Variants in FAT3 observed in about 807,000 individuals in gnomAD.
The protein encoded by FAT3 is protocadherin Fat 3.
FAT3 carries 95 observed loss-of-function variants against 310.2 expected under a neutral mutation model. That is an observed-to-expected ratio of 0.31 (90% CI 0.26 to 0.36). The LOEUF (loss-of-function observed/expected upper bound fraction) is 0.36, where lower values mean the gene tolerates loss of function less well. Among genes scored for constraint, FAT3 ranks in the 10% least tolerant of loss-of-function variants. FAT3 has a pLI of 1.00. For synonymous variants in FAT3, 2,314 were observed against 2,192.9 expected (o/e 1.06, Z -1.54); for missense variants, 5,408 against 5,715.6 (o/e 0.95, Z 1.74).
chr11:92,855,602 A>C (rs1018715337), intron 19 of FAT3, among the ~76,000 whole-genome samples: 17 of 152,248 alleles, frequency 1.1e-4, no homozygotes, highest in African/African-American at 4.1e-4. Context: ...ATAGATCATG[A>C]GATGGTCACA....
In FAT3 at chr11:92,733,560, G is replaced by A. The variant is rs187750486; in HGVS notation, c.3670-28296G>A. Among the ~76,000 whole-genome samples, 15 of 152,168 alleles carry A rather than the reference G, an allele frequency of 9.9e-5. No individual in the cohort carries two copies. The East Asian group carries it at 2.5e-3, about 26-fold the overall frequency. ...GCAATCGAAGCATACATGCAGAGTT[G>A]GACAGCAGTCTTCTGAGAAGCATCA... On this transcript the variant is annotated intron_variant, in intron 4 of 27. Coordinates refer to ENST00000525166, the MANE Select transcript of FAT3 (RefSeq NM_001367949.2).
intron 1 of FAT3, among the ~76,000 whole-genome samples, chr11:92,302,760 G>A (rs185768512): frequency 5.7e-4 from 86 of 152,088 alleles, no homozygotes; most frequent in Non-Finnish European, 6.9e-4. Context: ...TTTAACAATT[G>A]TATGGTGTTG....
intron 2 of FAT3, among the ~76,000 whole-genome samples, chr11:92,375,316 A>G (rs924384606): frequency 8.6e-5 from 13 of 152,000 alleles, no homozygotes; most frequent in African/African-American, 2.9e-4. Flanking sequence ...TTTTATTTTT[A>G]TCTTTGTAGA....
At chr11:92,576,625 T>C (rs1484406151) in intron 3 of FAT3, among the ~76,000 whole-genome samples, 7 of 152,100 alleles carry the variant, frequency 4.6e-5, no homozygotes. Context: ...GTGGAATACC[T>C]CCTCTGACAG....
At chr11:92,772,193 T>A (rs1200892982) in intron 6 of FAT3, among the ~76,000 whole-genome samples, 2 of 152,170 alleles carry the variant, frequency 1.3e-5, no homozygotes, top group East Asian at 3.8e-4. Context: ...AAGAAAACAT[T>A]CTAAATGTGA....
chr11:92,670,752 G>A (rs1325977318), intron 3 of FAT3, among the ~76,000 whole-genome samples: 1 of 152,078 alleles, frequency 6.6e-6, no homozygotes, highest in Non-Finnish European at 1.5e-5. Context: ...TTTATAAATG[G>A]GTCACACCTG....
intron 4 of FAT3, among the ~76,000 whole-genome samples, chr11:92,705,827 T>TG: frequency 3.0e-5 from 1 of 33,554 alleles, no homozygotes; most frequent in Non-Finnish European, 5.9e-5. Context: ...GTGATGGTGG[T>TG]GGTGATGGTG....
At chr11:92,887,478 C>T (rs1176226628) in intron 25 of FAT3, among the ~76,000 whole-genome samples, 2 of 152,172 alleles carry the variant, frequency 1.3e-5, no homozygotes, top group African/African-American at 4.8e-5. Context: ...CTTCCCTCTT[C>T]ACTGTACATC....
At chr11:92,685,974 A>G (rs1406731708) in intron 3 of FAT3, among the ~76,000 whole-genome samples, 1 of 152,178 alleles carries the variant, frequency 6.6e-6, no homozygotes, top group Non-Finnish European at 1.5e-5. Flanking sequence ...TTTATATGGG[A>G]AAAATATCAT....
intron 4 of FAT3, among the ~76,000 whole-genome samples, chr11:92,736,143 G>C (rs1306128443): frequency 1.3e-5 from 2 of 152,114 alleles, no homozygotes; most frequent in African/African-American, 4.8e-5. Context: ...TGGGAGCTGA[G>C]TTACTCTTTC....
intron 25 of FAT3, among the ~76,000 whole-genome samples, 155 bp downstream of exon 25, chr11:92,887,268 G>A (rs1353765512): frequency 6.6e-6 from 1 of 152,114 alleles, no homozygotes; most frequent in African/African-American, 2.4e-5. Context: ...CTCCATTGTT[G>A]GGTGTCATTG....
At chr11:92,382,852 T>C (rs1223052744) in intron 2 of FAT3, among the ~76,000 whole-genome samples, 1 of 152,222 alleles carries the variant, frequency 6.6e-6, no homozygotes, top group African/African-American at 2.4e-5. Context: ...TATTTTAAGT[T>C]CATGGGTACA....
intron 3 of FAT3, among the ~76,000 whole-genome samples, chr11:92,527,876 C>A (rs1953925952): frequency 6.6e-6 from 1 of 152,124 alleles, no homozygotes. Context: ...GGCATACTAA[C>A]CAGTATATTT....
At chr11:92,635,997 T>G (rs1941753727) in intron 3 of FAT3, among the ~76,000 whole-genome samples, 1 of 152,164 alleles carries the variant, frequency 6.6e-6, no homozygotes, top group Admixed American at 6.5e-5. Context: ...AGGGTCTCAC[T>G]CTGTCGCCCA....
intron 2 of FAT3, among the ~76,000 whole-genome samples, chr11:92,368,188 G>A (rs1403619977): frequency 2.0e-5 from 3 of 151,790 alleles, no homozygotes; most frequent in Non-Finnish European, 4.4e-5. Context: ...TGTAATCATT[G>A]CCATAGAAAA....
intron 1 of FAT3, among the ~76,000 whole-genome samples, chr11:92,284,680 G>A (rs1447780347): frequency 1.3e-5 from 2 of 152,042 alleles, no homozygotes; most frequent in Non-Finnish European, 2.9e-5. Context: ...ACTTTGCAGA[G>A]GTTGAGTACT....
chr11:92,724,213 C>G (rs1944936475), intron 4 of FAT3, among the ~76,000 whole-genome samples: 1 of 152,112 alleles, frequency 6.6e-6, no homozygotes, highest in Admixed American at 6.6e-5. Context: ...ACTCACATGT[C>G]TGGCAGTTGG....
intron 1 of FAT3, among the ~76,000 whole-genome samples, chr11:92,232,900 T>G (rs777996251): frequency 6.6e-6 from 1 of 152,204 alleles, no homozygotes; most frequent in African/African-American, 2.4e-5. Context: ...ATTTACCTGA[T>G]GGCAGAATTT....
intron 1 of FAT3, among the ~76,000 whole-genome samples, chr11:92,273,904 A>G (rs1946193931): frequency 1.3e-5 from 2 of 152,120 alleles, no homozygotes. Context: ...GTTTATTAGA[A>G]TATTTCTGAT....
Sources: gnomAD v4.1 joint callset for allele counts (sites outside exome capture counted in the v4.1 genomes callset) on GRCh38, gnomAD v4.1.1 for gene constraint, MANE v1.5 for transcripts, NCBI Gene and HGNC (gene_info 2026-07-23, HGNC 2026-07-21) for gene names.